The following SHROOM1 variants were observed in gnomAD, a reference collection of about 807,000 sequenced individuals.
SHROOM1 encodes the protein protein Shroom1.
A neutral mutation model predicts 64.2 loss-of-function variants in SHROOM1; 53 were observed. That is an observed-to-expected ratio of 0.83 (90% CI 0.66 to 1.04). The LOEUF is 1.04. Ranked by LOEUF, SHROOM1 falls within the 50% of genes least tolerant of loss-of-function variation. SHROOM1 has a pLI of 0.00. For missense variants in SHROOM1, 1,179 were observed against 1,163.2 expected (o/e 1.01, Z -0.20); for synonymous variants, 490 against 518.9 (o/e 0.94, Z 0.76).
chr5:132,827,545 G>A lies in SHROOM1; in HGVS notation c.-438C>T, dbSNP rs568761224. Reference sequence around the variant, plus strand: ...GCAGAAGAATCGCTTGAACCCGGGAGGCGGAAGTTGTAGTGAGCCGAGATC... The same window carrying A: ...GCAGAAGAATCGCTTGAACCCGGGAAGCGGAAGTTGTAGTGAGCCGAGATC... On this transcript the variant is annotated 5_prime_UTR_variant, in exon 2 of 10. Transcript: ENST00000378679. 4.7e-3 allele frequency: 719 copies of A among 152,528 alleles called. 4 individuals are homozygous for A. Among genetic ancestry groups the A allele is most frequent in the Middle Eastern group, 0.013 (4 of 298 alleles). The allele number at this position is 152,528 out of a possible 1,614,324, so 9.4% of individuals were successfully genotyped here. A position where few individuals can be genotyped will look rare whatever the true frequency, so the allele number is the denominator to read the frequency against.
chr5:132,826,306 G>C lies in SHROOM1; in HGVS notation c.-72C>G. 4.8e-6 allele frequency: 6 copies of C among 1,239,410 alleles called. No individual in the cohort carries two copies. The highest frequency in any genetic ancestry group is 6.0e-6 in the Non-Finnish European group (6 of 992,526). 76.8% of individuals were successfully genotyped at this position (1,239,410 alleles called of 1,614,324 possible). ...CCCCTCCCTGGTCACACCGTCACAA[G>C]CGCTGGCATCCCCCAGATTTTGGCA... On this transcript the variant is annotated 5_prime_UTR_variant, in exon 3 of 10. Transcript: ENST00000378679.
At chr5:132,827,084 C>T (rs12110206) in intron 2 of SHROOM1, among the ~76,000 whole-genome samples, 5,450 of 152,246 alleles carry the variant, frequency 0.036, 324 homozygotes, top group African/African-American at 0.12. Context: ...AATGATGGGC[C>T]GACCCCCATC....
In SHROOM1 at chr5:132,825,353, G is replaced by C. The variant is rs563801893; in HGVS notation, c.788C>G (p.Pro263Arg). The change falls in exon 4 of 10, where the codon CCG becomes CGG. Residue 263 changes from proline (P) to arginine (R), a missense_variant. Physicochemically the swap from Pro to Arg is moderately radical, Grantham distance 103. Coordinates refer to ENST00000378679, the MANE Select transcript of SHROOM1 (RefSeq NM_001172700.2). The surrounding 1 kb of genome is among the most constrained non-coding windows in gnomAD (Gnocchi z 5.1). ...PGPEPLEFQH[P>R]ALAKFEDHEV... ...GTGATCTTCAAACTTAGCCAGCGCC[G>C]GATGCTGGAACTCCAAGGGCTCGGG... 1 of 1,600,790 alleles carries C rather than the reference G, an allele frequency of 6.2e-7. No homozygotes were observed. The highest frequency in any genetic ancestry group is 8.5e-7 in the Non-Finnish European group (1 of 1,178,956).
In SHROOM1 at chr5:132,823,661, C is replaced by T; in HGVS notation, c.1915G>A (p.Gly639Arg). 1.2e-6 allele frequency: 2 copies of T among 1,609,342 alleles called. No individual in the cohort carries two copies. Among genetic ancestry groups the T allele is most frequent in the Non-Finnish European group, 1.7e-6 (2 of 1,177,632 alleles). ...HPVLDQPCGQGLPAPNNSIQG... is the reference protein window; with the variant it reads ...HPVLDQPCGQRLPAPNNSIQG... ...ATGCTGTTGTTTGGTGCAGGGAGCC[C>T]CTGCCCACATGGCTGGTCAAGCACA... Residue 639 changes from glycine to arginine, a missense_variant, in exon 8 of 10, where the codon GGG (glycine) becomes AGG (arginine). Gly to Arg is a moderately radical substitution (Grantham distance 125, BLOSUM62 -2). Transcript: ENST00000378679. The surrounding 1 kb of genome is among the most constrained non-coding windows in gnomAD (Gnocchi z 4.6).
At position 132,825,754 on chromosome 5, in the gene SHROOM1, G is replaced by GGCAGCCTGCGCC; in HGVS notation, c.375_386dup (p.Ala126_Ala129dup). On this transcript the variant is annotated inframe_insertion, in exon 4 of 10. Transcript: ENST00000378679. This position sits in a 1 kb window ranked among gnomAD's most constrained non-coding sequence, Gnocchi z 5.1. ...TCGAGGCCGGCGGGCTGGGCGGCTC[G>GGCAGCCTGCGCC]GCAGCCTGCGCCGCGGCCTCCGCCT... 8.0e-7 allele frequency: 1 copy of GGCAGCCTGCGCC among 1,248,332 alleles called. No homozygotes were observed. The highest frequency in any genetic ancestry group is 1.0e-6 in the Non-Finnish European group (1 of 1,000,698). The allele number at this position is 1,248,332 out of a possible 1,614,324, so 77.3% of individuals were successfully genotyped here. A position where few individuals can be genotyped will look rare whatever the true frequency, so the allele number is the denominator to read the frequency against.
chr5:132,828,012 C>T (rs1422233464), intron 1 of SHROOM1, among the ~76,000 whole-genome samples: 2 of 152,100 alleles, frequency 1.3e-5, no homozygotes, highest in Non-Finnish European at 2.9e-5. Context: ...AGGTTTGGGG[C>T]TCCCTATGAA....
In SHROOM1 at chr5:132,826,343, G is replaced by A; in HGVS notation, c.-109C>T. On this transcript the variant is annotated 5_prime_UTR_variant, in exon 3 of 10. Transcript: ENST00000378679. ...CCCAGATTTTGGCAGAGTCACCTTG[G>A]GATCAGAGGTGGCAGAGGAAGTAGG... 1 of 1,191,814 alleles carries A rather than the reference G, an allele frequency of 8.4e-7. No individual in the cohort carries two copies. Among genetic ancestry groups the A allele is most frequent in the East Asian group, 3.2e-5 (1 of 31,434 alleles). 73.8% of individuals were successfully genotyped at this position (1,191,814 alleles called of 1,614,324 possible).
In SHROOM1 at chr5:132,825,760, C is replaced by G. The variant is rs1171601245; in HGVS notation, c.381G>C (p.Gln127His). 2 of 1,244,962 alleles carry G rather than the reference C, an allele frequency of 1.6e-6. No homozygotes were observed. Among genetic ancestry groups the G allele is most frequent in the Non-Finnish European group, 2.0e-6 (2 of 998,482 alleles). 77.1% of individuals were successfully genotyped at this position (1,244,962 alleles called of 1,614,324 possible). A position where few individuals can be genotyped will look rare whatever the true frequency, so the allele number is the denominator to read the frequency against. ...ALAAEAEAAA[Q>H]AAEPPSPPAS... ...CCGGCGGGCTGGGCGGCTCGGCAGC[C>G]TGCGCCGCGGCCTCCGCCTCGGCCG... Residue 127 changes from glutamine (Q) to histidine (H), a missense_variant, in exon 4 of 10, where the codon CAG (glutamine) becomes CAC (histidine). Transcript: ENST00000378679. The surrounding 1 kb of genome is among the most constrained non-coding windows in gnomAD (Gnocchi z 5.1).
At chr5:132,829,546 G>A (rs1447471060) in intron 1 of SHROOM1, 1 of 979,162 alleles carries the variant, frequency 1.0e-6, no homozygotes, top group East Asian at 1.1e-4. Context: ...CGACCGAGGA[G>A]GCACAGGAGA....
rs1322017020 is a variant in SHROOM1, at chr5:132,824,637, C to A, written c.1219G>T (p.Ala407Ser). Residue 407 changes from alanine to serine, a missense_variant, in exon 6 of 10, where the codon GCC becomes TCC. By Grantham distance (99) the Ala-to-Ser change is moderately conservative. Coordinates refer to ENST00000378679, the MANE Select transcript of SHROOM1 (RefSeq NM_001172700.2). ...TACCTGGCTGGGGGCCCCTGGGAGG[C>A]ATGGGGGTCTGGTGGTGATCTCATT... is the stretch of plus-strand genomic sequence containing the variant. The part of the protein sequence containing the change: ...VRMRSPPDPH[A>S]SQGPPASVHA... 2 of 1,609,734 alleles carry A rather than the reference C, an allele frequency of 1.2e-6. No homozygotes were observed. The highest frequency in any genetic ancestry group is 1.7e-6 in the Non-Finnish European group (2 of 1,176,878).
chr5:132,830,578 C>G lies in SHROOM1; in HGVS notation c.-501+16G>C, dbSNP rs1009466799. 5 of 985,546 alleles carry G rather than the reference C, an allele frequency of 5.1e-6. No homozygotes were observed. The highest frequency in any genetic ancestry group is 6.0e-6 in the Non-Finnish European group (5 of 829,922). The allele number at this position is 985,546 out of a possible 1,614,324, so 61.1% of individuals were successfully genotyped here. ...CCCAGCCGCCCGCTTCCCGCTCCCC[C>G]GCCCCCGCCGCGTACCTGAGGCTCC... On this transcript the variant is annotated intron_variant, in intron 1 of 9. Transcript: ENST00000378679. This position sits in a 1 kb window ranked among gnomAD's most constrained non-coding sequence, Gnocchi z 5.9.
In SHROOM1 at chr5:132,823,072, C is replaced by T; in HGVS notation, c.2283G>A (p.Glu761=). 1 of 1,592,176 alleles carries T rather than the reference C, an allele frequency of 6.3e-7. No individual in the cohort carries two copies. The change falls in exon 10 of 10, where the codon GAG becomes GAA. Residue 761 remains glutamate (E), a synonymous_variant. Coordinates refer to ENST00000378679, the MANE Select transcript of SHROOM1 (RefSeq NM_001172700.2). The surrounding 1 kb of genome is among the most constrained non-coding windows in gnomAD (Gnocchi z 4.6). ...CGCGCCGCGCTACGTGCTCCTTCAGCTCCTTGGCGTCCTCCTCCTGCCGCT... is the reference window on the plus strand; with the variant it reads ...CGCGCCGCGCTACGTGCTCCTTCAGTTCCTTGGCGTCCTCCTCCTGCCGCT... ...LLQRQEEDAK[E]LKEHVARRER...
Position 132,825,538 on chromosome 5 carries a change from G to A in SHROOM1, c.603C>T (p.Ser201=), listed in dbSNP as rs747916898. 2.8e-6 allele frequency: 4 copies of A among 1,437,546 alleles called. No homozygotes were observed. The highest frequency in any genetic ancestry group is 3.6e-6 in the Non-Finnish European group (4 of 1,103,726). The allele number at this position is 1,437,546 out of a possible 1,614,324, so 89.0% of individuals were successfully genotyped here. A position where few individuals can be genotyped will look rare whatever the true frequency, so the allele number is the denominator to read the frequency against. Residue 201 remains serine, a synonymous_variant, in exon 4 of 10, where the codon TCC becomes TCT. Transcript: ENST00000378679. This position sits in a 1 kb window ranked among gnomAD's most constrained non-coding sequence, Gnocchi z 5.1. Reference sequence around the variant, plus strand: ...CGGCAGTTCCTGGCGCGGGAGCCCGGGAGCGCGCCGGCTCCCCCTCCCCGC... The same window carrying A: ...CGGCAGTTCCTGGCGCGGGAGCCCGAGAGCGCGCCGGCTCCCCCTCCCCGC... The part of the protein sequence containing the change: ...HPGGEGEPAR[S]RAPAPGTAGR...
Position 132,825,608 on chromosome 5 carries a change from C to A in SHROOM1, c.533G>T (p.Arg178Leu). 7.3e-7 allele frequency: 1 copy of A among 1,364,352 alleles called. No homozygotes were observed. The highest frequency in any genetic ancestry group is 2.5e-4 in the Middle Eastern group (1 of 3,996). The allele number at this position is 1,364,352 out of a possible 1,614,324, so 84.5% of individuals were successfully genotyped here. Residue 178 changes from arginine (R) to leucine (L), a missense_variant, in exon 4 of 10, where the codon CGG becomes CTG. By Grantham distance (102) the Arg-to-Leu change is moderately radical. Transcript: ENST00000378679. The surrounding 1 kb of genome is among the most constrained non-coding windows in gnomAD (Gnocchi z 5.1). ...GGAGCGCGGGTGAGTCGCCGGGGGC[C>A]GCGCTGGGACAGTGGGCCGCAGACG... ...PARLRPTVPA[R>L]PPATHPRSAS... is the part of the protein sequence containing the mutation.
rs1297215421 is a variant in SHROOM1, at chr5:132,825,799, C to T, written c.342G>A (p.Leu114=). The T allele has an allele frequency of 1.6e-6, 2 of 1,248,160 alleles. No individual in the cohort carries two copies. The highest frequency in any genetic ancestry group is 2.0e-6 in the Non-Finnish European group (2 of 998,834). The allele number at this position is 1,248,160 out of a possible 1,614,324, so 77.3% of individuals were successfully genotyped here. A position where few individuals can be genotyped will look rare whatever the true frequency, so the allele number is the denominator to read the frequency against. The change falls in exon 4 of 10, where the codon CTG becomes CTA. Residue 114 remains leucine, a synonymous_variant. Coordinates refer to ENST00000378679, the MANE Select transcript of SHROOM1 (RefSeq NM_001172700.2). The surrounding 1 kb of genome is among the most constrained non-coding windows in gnomAD (Gnocchi z 5.1). ...PGPLNRQATP[L]LYALAAEAEA... ...CCGCCTCGGCCGCCAGCGCGTACAG[C>T]AGCGGGGTGGCCTGCCTGTTCAGTG... is the stretch of plus-strand genomic sequence containing the variant.
Position 132,825,306 on chromosome 5 carries a change from T to G in SHROOM1, c.835A>C (p.Thr279Pro), listed in dbSNP as rs772461615. Residue 279 changes from threonine to proline, a missense_variant, in exon 4 of 10, where the codon ACG becomes CCG. Physicochemically the swap from Thr to Pro is conservative, Grantham distance 38. Transcript: ENST00000378679. The surrounding 1 kb of genome is among the most constrained non-coding windows in gnomAD (Gnocchi z 5.1). ...EDHEVGWLPE[T>P]QPQGSMNLDS... ...AGGTTCATGGAGCCTTGGGGTTGCG[T>G]CTCGGGCAGCCATCCGACCTCGTGA... 6.2e-7 allele frequency: 1 copy of G among 1,611,600 alleles called. No homozygotes were observed. Among genetic ancestry groups the G allele is most frequent in the South Asian group, 1.1e-5 (1 of 90,958 alleles).
chr5:132,823,724 G>C lies in SHROOM1; in HGVS notation c.1852C>G (p.Arg618Gly), dbSNP rs376993291. ...FSFTQLLPAP[R>G]EETRLENPAT... ...GGGTTTTCAAGCCTTGTCTCCTCCCGAGGAGCCGGCAGGAGCTGGGTGAAG... is the reference window on the plus strand; with the variant it reads ...GGGTTTTCAAGCCTTGTCTCCTCCCCAGGAGCCGGCAGGAGCTGGGTGAAG... Residue 618 changes from arginine to glycine, a missense_variant, in exon 8 of 10, where the codon CGG becomes GGG. Coordinates refer to ENST00000378679, the MANE Select transcript of SHROOM1 (RefSeq NM_001172700.2). This position sits in a 1 kb window ranked among gnomAD's most constrained non-coding sequence, Gnocchi z 4.6. The C allele has an allele frequency of 6.2e-7, 1 of 1,609,190 alleles. No homozygotes were observed. The highest frequency in any genetic ancestry group is 1.1e-5 in the South Asian group (1 of 90,506).
chr5:132,823,057 T>G lies in SHROOM1; in HGVS notation c.2298A>C (p.Val766=). Reference sequence around the variant, plus strand: ...CCCGCACGGCCCGCTCGCGCCGCGCTACGTGCTCCTTCAGCTCCTTGGCGT... The same window carrying G: ...CCCGCACGGCCCGCTCGCGCCGCGCGACGTGCTCCTTCAGCTCCTTGGCGT... The part of the protein sequence containing the change: ...EEDAKELKEH[V]ARRERAVREV... Residue 766 remains valine (V), a synonymous_variant, in exon 10 of 10, where the codon GTA becomes GTC. Coordinates refer to ENST00000378679, the MANE Select transcript of SHROOM1 (RefSeq NM_001172700.2). This position sits in a 1 kb window ranked among gnomAD's most constrained non-coding sequence, Gnocchi z 4.6. 1 of 1,596,454 alleles carries G rather than the reference T, an allele frequency of 6.3e-7. No homozygotes were observed. Among genetic ancestry groups the G allele is most frequent in the Non-Finnish European group, 8.5e-7 (1 of 1,178,190 alleles).
rs771127701 is a variant in SHROOM1, at chr5:132,824,101, G to A, written c.1560C>T (p.His520=). ...CAGTGCCCCTGGCTAGGGCAGTATT[G>A]TGAGAGGGACCTGGAGTATCATTGC... is the stretch of plus-strand genomic sequence containing the variant. ...LSGNDTPGPS[H]NTALARGTGQ... The change falls in exon 7 of 10, where the codon CAC becomes CAT. Residue 520 remains histidine (H), a synonymous_variant. Coordinates refer to ENST00000378679, the MANE Select transcript of SHROOM1 (RefSeq NM_001172700.2). 1.2e-6 allele frequency: 2 copies of A among 1,614,066 alleles called. No homozygotes were observed. The highest frequency in any genetic ancestry group is 1.1e-5 in the South Asian group (1 of 91,058).
Sources: allele counts gnomAD v4.1 joint callset (sites outside exome capture counted in the v4.1 genomes callset), GRCh38; gene constraint gnomAD v4.1.1; non-coding constraint Gnocchi (gnomAD v3.1); transcripts MANE v1.5; gene names NCBI Gene and HGNC (gene_info 2026-07-23, HGNC 2026-07-21).